Variants in LYPLAL1 observed in about 807,000 individuals in gnomAD.
The protein encoded by LYPLAL1 is lysophospholipase-like protein 1.
LYPLAL1 carries 23 observed loss-of-function variants against 19.7 expected under a neutral mutation model. The observed-to-expected ratio is 1.17, with a 90% CI of 0.84 to 1.65. The LOEUF is 1.65. Among genes scored for constraint, LYPLAL1 ranks in the 40% most tolerant of loss-of-function variants. The probability of loss-of-function intolerance (pLI) is 0.00; values close to 1 mark genes in which losing one functional copy is unlikely to be tolerated. For synonymous variants in LYPLAL1, 119 were observed against 96.3 expected, an observed-to-expected ratio of 1.24 and a Z score of -1.38; for missense variants, 355 against 279.4, an observed-to-expected ratio of 1.27 and a Z score of -1.93.
the LYPLAL1 span, among the ~76,000 whole-genome samples, chr1:219,319,613 A>G: frequency 6.6e-6 from 1 of 152,182 alleles, no homozygotes; most frequent in African/African-American, 2.4e-5. Context: ...CCACCTGCCA[A>G]AAAAGAAATG....
chr1:219,434,910 G>A, the LYPLAL1 span, among the ~76,000 whole-genome samples: 15 of 152,136 alleles, frequency 9.9e-5, no homozygotes, highest in African/African-American at 3.4e-4. Flanking sequence ...ATAAAGCAGA[G>A]CGCTGGGCCT....
chr1:219,286,755 A>G, the LYPLAL1 span, among the ~76,000 whole-genome samples: 146,376 of 152,310 alleles, frequency 0.96, 70,608 homozygotes, highest in East Asian at 1. Context: ...TCAGCTCCAC[A>G]AAAACAGCCT....
the LYPLAL1 span, among the ~76,000 whole-genome samples, chr1:219,318,785 ACACT>A: frequency 6.6e-6 from 1 of 152,174 alleles, no homozygotes; most frequent in African/African-American, 2.4e-5. Flanking sequence ...GTGTCCTCAA[ACACT>A]CACCAAGAGG....
chr1:219,204,856 T>C (rs1025958431), intron 3 of LYPLAL1, among the ~76,000 whole-genome samples: 1 of 152,142 alleles, frequency 6.6e-6, no homozygotes, highest in South Asian at 2.1e-4. Flanking sequence ...TGTTATAATT[T>C]AGGCTTAACT....
the LYPLAL1 span, among the ~76,000 whole-genome samples, chr1:219,245,773 G>C: frequency 2.0e-5 from 3 of 152,282 alleles, no homozygotes; most frequent in African/African-American, 4.8e-5. Flanking sequence ...TTTGAAGTAG[G>C]AAATAAGAGT....
chr1:219,233,506 G>A, the LYPLAL1 span, among the ~76,000 whole-genome samples: 32 of 152,278 alleles, frequency 2.1e-4, no homozygotes, highest in Admixed American at 5.9e-4. Flanking sequence ...GCTGGCTCAC[G>A]CCTGTAATCC....
the LYPLAL1 span, among the ~76,000 whole-genome samples, chr1:219,327,567 G>A: frequency 6.6e-6 from 1 of 151,716 alleles, no homozygotes; most frequent in African/African-American, 2.4e-5. Context: ...GACTTAGTGT[G>A]ACAAATGGAC....
chr1:219,202,811 G>A (rs559748410), intron 3 of LYPLAL1, among the ~76,000 whole-genome samples: 1 of 149,812 alleles, frequency 6.7e-6, no homozygotes, highest in Admixed American at 6.7e-5. Flanking sequence ...GAATTGTTAG[G>A]ATGATAGGCA....
the LYPLAL1 span, among the ~76,000 whole-genome samples, chr1:219,241,097 A>ACTCTCTCTCTCTCT: frequency 1.7e-5 from 1 of 60,532 alleles, no homozygotes; most frequent in African/African-American, 6.8e-5. Context: ...AAATATATAT[A>ACTCTCTCTCTCTCT]ATCTCTCTCT....
At chr1:219,307,403 A>G in the LYPLAL1 span, among the ~76,000 whole-genome samples, 2 of 152,206 alleles carry the variant, frequency 1.3e-5, no homozygotes, top group Non-Finnish European at 2.9e-5. Context: ...ATCAACTAGA[A>G]GAGAGCTGAT....
At chr1:219,365,452 A>T in the LYPLAL1 span, among the ~76,000 whole-genome samples, 1 of 152,212 alleles carries the variant, frequency 6.6e-6, no homozygotes, top group Non-Finnish European at 1.5e-5. Context: ...AAACCAAAAC[A>T]ACCCAAAGGA....
At chr1:219,210,314 T>C (rs180779448) in intron 3 of LYPLAL1, 1 of 307,636 alleles carries the variant, frequency 3.3e-6, no homozygotes, top group Non-Finnish European at 5.9e-6. Context: ...CCTGGCTCCT[T>C]GTAGAGCACA....
At chr1:219,407,458 G>T in the LYPLAL1 span, among the ~76,000 whole-genome samples, 1 of 152,134 alleles carries the variant, frequency 6.6e-6, no homozygotes, top group African/African-American at 2.4e-5. Context: ...TAAACAGGAG[G>T]TATGGTTTAT....
chr1:219,445,042 AAAAGG>A, the LYPLAL1 span, among the ~76,000 whole-genome samples: 4 of 151,510 alleles, frequency 2.6e-5, no homozygotes, highest in Non-Finnish European at 5.9e-5. Flanking sequence ...CCACAACCTA[AAAAGG>A]AAAGAAAAAA....
At chr1:219,411,037 G>A in the LYPLAL1 span, among the ~76,000 whole-genome samples, 2 of 152,240 alleles carry the variant, frequency 1.3e-5, no homozygotes, top group Non-Finnish European at 2.9e-5. Flanking sequence ...AGGAATGCGA[G>A]CGCACGGCAC....
At chr1:219,439,994 CACATATATATATATATAT>C in the LYPLAL1 span, among the ~76,000 whole-genome samples, 6 of 117,638 alleles carry the variant, frequency 5.1e-5, no homozygotes, top group African/African-American at 2.1e-4. Context: ...TATATATACA[CACATATATATATATATAT>C]ACACACACAC....
At chr1:219,267,212 G>T in the LYPLAL1 span, among the ~76,000 whole-genome samples, 1 of 152,076 alleles carries the variant, frequency 6.6e-6, no homozygotes, top group African/African-American at 2.4e-5. Context: ...TGAAGCCAGA[G>T]AACACATGGT....
At chr1:219,177,512 TCA>T (rs1655916666) in intron 1 of LYPLAL1, among the ~76,000 whole-genome samples, 1 of 152,126 alleles carries the variant, frequency 6.6e-6, no homozygotes, top group Non-Finnish European at 1.5e-5. Context: ...AAGAGGCACC[TCA>T]CACTCAACCT....
At chr1:219,414,110 G>A in the LYPLAL1 span, among the ~76,000 whole-genome samples, 1 of 152,160 alleles carries the variant, frequency 6.6e-6, no homozygotes, top group South Asian at 2.1e-4. Flanking sequence ...GAATGCAGCA[G>A]GGTTTGGATA....
Sources: gnomAD v4.1 joint callset for allele counts (sites outside exome capture counted in the v4.1 genomes callset) on GRCh38, gnomAD v4.1.1 for gene constraint, MANE v1.5 for transcripts, NCBI Gene and HGNC (gene_info 2026-07-23, HGNC 2026-07-21) for gene names.